Variants in ABCG1 observed in about 807,000 individuals in gnomAD.
ABCG1 encodes the protein ATP binding cassette subfamily G member 1, also known as ATP-binding cassette sub-family G member 1.
Under a neutral mutation model 69.2 loss-of-function variants are expected in ABCG1, and 29 were observed. The observed-to-expected ratio is 0.42, with a 90% CI of 0.31 to 0.57. The LOEUF (loss-of-function observed/expected upper bound fraction) is 0.57. Among genes scored for constraint, ABCG1 ranks in the 20% least tolerant of loss-of-function variants. The probability of loss-of-function intolerance (pLI) is 0.15; values close to 1 mark genes in which losing one functional copy is unlikely to be tolerated. For missense variants in ABCG1, 718 were observed against 898.1 expected, an observed-to-expected ratio of 0.80 and a Z score of 2.56; for synonymous variants, 370 against 374.8, an observed-to-expected ratio of 0.99 and a Z score of 0.15.
At chr21:42,208,511 G>A (rs1372384734) in intron 2 of ABCG1, among the ~76,000 whole-genome samples, 1 of 152,326 alleles carries the variant, frequency 6.6e-6, no homozygotes, top group Non-Finnish European at 1.5e-5. Context: ...ACCTTGAACA[G>A]ATTGAACTTG....
At chr21:42,214,141 C>G (rs1252802706), upstream of ABCG1, among the ~76,000 whole-genome samples, 1 of 152,186 alleles carries the variant, frequency 6.6e-6, no homozygotes, top group Non-Finnish European at 1.5e-5. Context: ...ACTTAATGCT[C>G]AGTGTGATTA....
chr21:42,230,808 G>A (rs1427597102), intron 2 of ABCG1, among the ~76,000 whole-genome samples: 1 of 152,182 alleles, frequency 6.6e-6, no homozygotes, highest in Non-Finnish European at 1.5e-5. Context: ...CAATCCATTT[G>A]GCTCATGGGG....
intron 2 of ABCG1, among the ~76,000 whole-genome samples, chr21:42,207,243 C>G (rs1305606913): frequency 6.6e-6 from 1 of 152,086 alleles, no homozygotes; most frequent in African/African-American, 2.4e-5. Flanking sequence ...TCCTACAGGC[C>G]CCTCAAGTTG....
At chr21:42,242,644 C>A (rs1014324694) in intron 2 of ABCG1, among the ~76,000 whole-genome samples, 13 of 152,190 alleles carry the variant, frequency 8.5e-5, no homozygotes, top group Admixed American at 2.6e-4. Flanking sequence ...GGTGACTTGG[C>A]TGCTGGAGAA....
At chr21:42,209,485 T>C (rs939391207) in intron 2 of ABCG1, among the ~76,000 whole-genome samples, 4 of 152,194 alleles carry the variant, frequency 2.6e-5, no homozygotes, top group African/African-American at 9.6e-5. Context: ...ATGCTGGAAT[T>C]TATCATCTCT....
rs1192362839 is a variant in ABCG1 at position 42,219,808 on chromosome 21, C to T, written c.42+504C>T. 7.0e-7 allele frequency: 1 copy of T among 1,436,006 alleles called. No individual in the cohort carries two copies. The highest frequency in any genetic ancestry group is 2.6e-5 in the East Asian group (1 of 38,416). The allele number at this position is 1,436,006 out of a possible 1,614,324, so 89.0% of individuals were successfully genotyped here. On this transcript the variant is annotated intron_variant, in intron 1 of 14. Transcript: ENST00000398449. This position sits in a 1 kb window ranked among gnomAD's most constrained non-coding sequence, Gnocchi z 5.3. Reference sequence around the variant, plus strand: ...TGGGGGAACAAAAGAGGAAGCTGCCCCCAGAGAGCCGGAGCCTGCGACTGC... The same window carrying T: ...TGGGGGAACAAAAGAGGAAGCTGCCTCCAGAGAGCCGGAGCCTGCGACTGC...
intron 2 of ABCG1, among the ~76,000 whole-genome samples, chr21:42,251,050 A>AT (rs75158297): frequency 6.6e-6 from 1 of 152,086 alleles, no homozygotes; most frequent in Non-Finnish European, 1.5e-5. Context: ...GCCTGACCAT[A>AT]CCCTGTGAGG....
intron 2 of ABCG1, among the ~76,000 whole-genome samples, chr21:42,235,689 T>C (rs1171411841): frequency 6.6e-6 from 1 of 152,232 alleles, no homozygotes; most frequent in Non-Finnish European, 1.5e-5. Flanking sequence ...GATACGGGGC[T>C]GTGGGGACCT....
At chr21:42,259,223 C>T in intron 2 of ABCG1, 1 of 1,442,222 alleles carries the variant, frequency 6.9e-7, no homozygotes, top group Non-Finnish European at 9.1e-7. Context: ...CTGGGCTCAG[C>T]TCCAAAGTTC....
At chr21:42,213,697 G>A (rs1341382641), upstream of ABCG1, among the ~76,000 whole-genome samples, 1 of 152,266 alleles carries the variant, frequency 6.6e-6, no homozygotes, top group Non-Finnish European at 1.5e-5. Flanking sequence ...TCCTTAGAGT[G>A]TTCAGAAGGT....
intron 14 of ABCG1, chr21:42,294,901 G>C (rs2069174222): frequency 3.9e-6 from 2 of 515,284 alleles, no homozygotes; most frequent in South Asian, 4.2e-5. Flanking sequence ...AGCCATGGCA[G>C]GACCAAGTGT....
intron 2 of ABCG1, chr21:42,259,327 A>C (rs1156351088): frequency 6.5e-7 from 1 of 1,549,266 alleles, no homozygotes; most frequent in South Asian, 1.2e-5. Flanking sequence ...ACAGCCGTGC[A>C]TGTACAGGTG....
At position 42,287,786 on chromosome 21, in the gene ABCG1, T is replaced by TA; in HGVS notation, c.974-101dup. 1 of 1,211,832 alleles carries TA rather than the reference T, an allele frequency of 8.3e-7. No individual in the cohort carries two copies. The highest frequency in any genetic ancestry group is 1.1e-6 in the Non-Finnish European group (1 of 869,808). The allele number at this position is 1,211,832 out of a possible 1,614,324, so 75.1% of individuals were successfully genotyped here. ...TTAGCACCGCCACGCAGCATCTATGTAATCGCTTTAAAACATTCCCACTTG... is the reference window on the plus strand; with the variant it reads ...TTAGCACCGCCACGCAGCATCTATGTAAATCGCTTTAAAACATTCCCACTTG... On this transcript the variant is annotated intron_variant, in intron 8 of 14. Coordinates refer to ENST00000398449, the MANE Select transcript of ABCG1 (RefSeq NM_016818.3). This position sits in a 1 kb window ranked among gnomAD's most constrained non-coding sequence, Gnocchi z 6.2.
intron 2 of ABCG1, among the ~76,000 whole-genome samples, chr21:42,242,473 A>C (rs1440792946): frequency 6.6e-6 from 1 of 152,250 alleles, no homozygotes. Flanking sequence ...TGCATACTCC[A>C]GCCTGGGTGA....
intron 2 of ABCG1, among the ~76,000 whole-genome samples, chr21:42,234,797 G>C (rs1304005824): frequency 1.3e-5 from 2 of 151,854 alleles, no homozygotes; most frequent in South Asian, 4.1e-4. Context: ...AGCGCTGCCG[G>C]AGCCCCTCGC....
rs869041334 is a variant in ABCG1, at chr21:42,283,740, C to CT, written c.735-820_735-819insT. ...CACCCACCACCCAGATGAGTGGGGACCCCCCACCTCTGTCCTGCCTGGACA... is the reference window on the plus strand; with the variant it reads ...CACCCACCACCCAGATGAGTGGGGACTCCCCCACCTCTGTCCTGCCTGGACA... On this transcript the variant is annotated intron_variant, in intron 6 of 14. Transcript: ENST00000398449. Among the ~76,000 whole-genome samples, 10 of 18,918 alleles carry CT rather than the reference C, an allele frequency of 5.3e-4. 3 individuals carry two copies. The highest frequency in any genetic ancestry group is 7.5e-4 in the Non-Finnish European group (7 of 9,340). The allele number at this position is 18,918 out of a possible 152,430, so 12.4% of individuals were successfully genotyped here.
At position 42,283,098 on chromosome 21, in the gene ABCG1, A is replaced by G. The variant is rs983156868; in HGVS notation, c.734+679A>G. Among the ~76,000 whole-genome samples, 5 of 152,314 alleles carry G rather than the reference A, an allele frequency of 3.3e-5. No individual in the cohort carries two copies. In the South Asian group the frequency reaches 6.2e-4, roughly 19 times the overall value. On this transcript the variant is annotated intron_variant, in intron 6 of 14. Transcript: ENST00000398449. ...TCCCAGGCAGGATGGGTGGCCAGGAACCAGGCTTCTCCTGAAATGACTTCA... is the reference window on the plus strand; with the variant it reads ...TCCCAGGCAGGATGGGTGGCCAGGAGCCAGGCTTCTCCTGAAATGACTTCA...
rs1486808298 is a variant in ABCG1, at chr21:42,296,519, T to C, written c.*127T>C. On this transcript the variant is annotated 3_prime_UTR_variant, in exon 15 of 15. Transcript: ENST00000398449. The surrounding 1 kb of genome is among the most constrained non-coding windows in gnomAD (Gnocchi z 5.4). ...TTCTGATCCAACCCCTAGAACCGCGTTGGGTTTGTGGGTGTCTCGTGCTCA... is the reference window on the plus strand; with the variant it reads ...TTCTGATCCAACCCCTAGAACCGCGCTGGGTTTGTGGGTGTCTCGTGCTCA... The C allele has an allele frequency of 3.5e-6, 3 of 851,386 alleles. No homozygotes were observed. Among genetic ancestry groups the C allele is most frequent in the East Asian group, 5.3e-5 (2 of 37,518 alleles). The allele number at this position is 851,386 out of a possible 1,614,324, so 52.7% of individuals were successfully genotyped here.
intron 2 of ABCG1, among the ~76,000 whole-genome samples, chr21:42,254,735 C>G (rs2068275319): frequency 6.6e-6 from 1 of 152,210 alleles, no homozygotes; most frequent in Non-Finnish European, 1.5e-5. Flanking sequence ...GGATTTCTGT[C>G]CTTTCTGCCT....
Sources: gnomAD v4.1 joint callset for allele counts (sites outside exome capture counted in the v4.1 genomes callset) on GRCh38, gnomAD v4.1.1 for gene constraint, Gnocchi (gnomAD v3.1) non-coding constraint, MANE v1.5 for transcripts, NCBI Gene and HGNC (gene_info 2026-07-23, HGNC 2026-07-21) for gene names.